The following MRPL13 variants were observed in gnomAD, a reference collection of about 807,000 sequenced individuals.
MRPL13 encodes the protein mitochondrial ribosomal protein L13.
Under a neutral mutation model 29.0 loss-of-function variants are expected in MRPL13, and 33 were observed. The ratio of observed to expected loss-of-function variants is 1.14; its 90% CI spans 0.86 to 1.52. The LOEUF (loss-of-function observed/expected upper bound fraction) is 1.52, where lower values mean the gene tolerates loss of function less well. Ranked by LOEUF, MRPL13 falls within the 40% of genes most tolerant of loss-of-function variation. The pLI, the probability that MRPL13 is intolerant of heterozygous loss-of-function variation, is 0.00. For missense variants in MRPL13, 227 were observed against 216.7 expected, an observed-to-expected ratio of 1.05 and a Z score of -0.30; for synonymous variants, 77 against 68.4, an observed-to-expected ratio of 1.13 and a Z score of -0.62.
chr8:120,443,925 C>T (rs1350263429), intron 1 of MRPL13, among the ~76,000 whole-genome samples: 1 of 151,984 alleles, frequency 6.6e-6, no homozygotes, highest in Non-Finnish European at 1.5e-5. Flanking sequence ...TTTTTACAGT[C>T]GTCATCAATG....
At position 120,445,105 on chromosome 8, in the gene MRPL13, T is replaced by C. The variant is rs935163432; in HGVS notation, c.-11A>G. 2 of 1,613,792 alleles carry C rather than the reference T, an allele frequency of 1.2e-6. No homozygotes were observed. Among genetic ancestry groups the C allele is most frequent in the Non-Finnish European group, 1.7e-6 (2 of 1,179,914 alleles). ...AGAGAAACTCGACATATTCCTCTAC[T>C]AGCAGGACCGTACGTCCTTCTCCTA... On this transcript the variant is annotated 5_prime_UTR_variant, in exon 1 of 7. Coordinates refer to ENST00000306185, the MANE Select transcript of MRPL13 (RefSeq NM_014078.6).
At chr8:120,403,797 A>G (rs527562359) in intron 6 of MRPL13, among the ~76,000 whole-genome samples, 1 of 152,300 alleles carries the variant, frequency 6.6e-6, no homozygotes, top group Admixed American at 6.5e-5. Flanking sequence ...GAATACTCAC[A>G]GGATACCCCA....
intron 2 of MRPL13, among the ~76,000 whole-genome samples, chr8:120,440,469 G>A (rs949665312): frequency 3.9e-5 from 6 of 152,192 alleles, no homozygotes; most frequent in Admixed American, 3.3e-4. Flanking sequence ...GTCAGGTGTG[G>A]TGGCATATGC....
At chr8:120,438,137 G>A (rs1222376230) in intron 2 of MRPL13, among the ~76,000 whole-genome samples, 2 of 152,188 alleles carry the variant, frequency 1.3e-5, no homozygotes, top group Non-Finnish European at 2.9e-5. Context: ...GCTGAGGTGA[G>A]TGGATCCCTT....
intron 6 of MRPL13, among the ~76,000 whole-genome samples, chr8:120,403,410 G>A (rs1160893844): frequency 6.6e-6 from 1 of 152,132 alleles, no homozygotes; most frequent in Non-Finnish European, 1.5e-5. Flanking sequence ...AACACCACAT[G>A]TTCTCACGTA....
rs367790835 is a variant in MRPL13 at position 120,439,468 on chromosome 8, T to C, written c.151+3717A>G. ...CACATAAAACAAGGTTATGTATTGA[T>C]TGGTTGATGAAAATGCTGTGACCAG... On this transcript the variant is annotated intron_variant, in intron 2 of 6. Coordinates refer to ENST00000306185, the MANE Select transcript of MRPL13 (RefSeq NM_014078.6). Among the ~76,000 whole-genome samples the C allele has an allele frequency of 1.3e-4, 20 of 152,296 alleles. 1 individual carries two copies. Among genetic ancestry groups the C allele is most frequent in the South Asian group, 8.3e-4 (4 of 4,824 alleles).
chr8:120,402,073 G>T (rs539932038), intron 6 of MRPL13, among the ~76,000 whole-genome samples: 1 of 152,260 alleles, frequency 6.6e-6, no homozygotes, highest in South Asian at 2.1e-4. Flanking sequence ...TGTCCATACT[G>T]CCCAAAGTAA....
intron 4 of MRPL13, among the ~76,000 whole-genome samples, chr8:120,424,498 G>T (rs907824984): frequency 6.6e-6 from 1 of 152,038 alleles, no homozygotes; most frequent in South Asian, 2.1e-4. Context: ...GAGTGTGGTG[G>T]CTCTCGCCTG....
chr8:120,439,970 G>A (rs1813099568), intron 2 of MRPL13, among the ~76,000 whole-genome samples: 1 of 152,162 alleles, frequency 6.6e-6, no homozygotes, highest in Non-Finnish European at 1.5e-5. Context: ...ATAAATGCCA[G>A]TATTCACTTA....
chr8:120,439,057 G>C (rs1813086531), intron 2 of MRPL13, among the ~76,000 whole-genome samples: 1 of 152,160 alleles, frequency 6.6e-6, no homozygotes, highest in South Asian at 2.1e-4. Context: ...AAATTTATTT[G>C]TTACCCCAAA....
intron 5 of MRPL13, among the ~76,000 whole-genome samples, chr8:120,419,187 A>G (rs1204915606): frequency 6.6e-6 from 1 of 152,034 alleles, no homozygotes; most frequent in African/African-American, 2.4e-5. Flanking sequence ...TAGAAAACAG[A>G]GATAAGTAAC....
intron 6 of MRPL13, 38 bp downstream of exon 6, chr8:120,413,953 T>C (rs1468228421): frequency 6.8e-7 from 1 of 1,470,358 alleles, no homozygotes. Context: ...ACAGAGGATA[T>C]CAAAAGAAAA....
intron 3 of MRPL13, 72 bp from the exon 4 acceptor site, chr8:120,425,438 A>G (rs1346512528): frequency 8.9e-6 from 9 of 1,009,062 alleles, no homozygotes; most frequent in African/African-American, 3.3e-5. Context: ...TCATTCTTTT[A>G]TAAGAAAACT....
chr8:120,429,481 G>A, intron 3 of MRPL13, among the ~76,000 whole-genome samples: 1 of 145,128 alleles, frequency 6.9e-6, no homozygotes, highest in African/African-American at 2.6e-5. Flanking sequence ...ACATGTAACT[G>A]AACTTAAAAG....
At chr8:120,403,861 G>A (rs1034051692) in intron 6 of MRPL13, among the ~76,000 whole-genome samples, 3 of 152,092 alleles carry the variant, frequency 2.0e-5, no homozygotes, top group Non-Finnish European at 2.9e-5. Context: ...AACTCTACTA[G>A]AATTTTAAAT....
intron 2 of MRPL13, among the ~76,000 whole-genome samples, chr8:120,442,732 G>A (rs1166263806): frequency 6.6e-6 from 1 of 152,062 alleles, no homozygotes; most frequent in Admixed American, 6.5e-5. Context: ...AGAAAAGCAA[G>A]TCTATTAGTC....
At chr8:120,435,344 G>GT (rs1370977818) in intron 2 of MRPL13, among the ~76,000 whole-genome samples, 16 of 152,042 alleles carry the variant, frequency 1.1e-4, no homozygotes, top group Admixed American at 1.0e-3. Context: ...ACAATAGGTA[G>GT]TTTTTTGATC....
At chr8:120,428,109 A>T (rs1812952409) in intron 3 of MRPL13, among the ~76,000 whole-genome samples, 1 of 146,774 alleles carries the variant, frequency 6.8e-6, no homozygotes, top group African/African-American at 2.5e-5. Flanking sequence ...ACAGTAACCA[A>T]AACAGCATGG....
At chr8:120,403,772 A>G (rs1812632474) in intron 6 of MRPL13, among the ~76,000 whole-genome samples, 1 of 152,204 alleles carries the variant, frequency 6.6e-6, no homozygotes. Flanking sequence ...AAATTTATAA[A>G]TGTTTTCTGA....
Sources: allele counts gnomAD v4.1 joint callset (sites outside exome capture counted in the v4.1 genomes callset), GRCh38; gene constraint gnomAD v4.1.1; transcripts MANE v1.5; gene names NCBI Gene and HGNC (gene_info 2026-07-23, HGNC 2026-07-21).